GNG12: variants seen among roughly 807,000 people sequenced by gnomAD.
The protein encoded by GNG12 is G protein subunit gamma 12, also known as guanine nucleotide-binding protein G(I)/G(S)/G(O) subunit gamma-12.
For synonymous variants in GNG12, 28 were observed against 29.7 expected (o/e 0.94, Z 0.19); for missense variants, 69 against 83.8 (o/e 0.82, Z 0.69).
At chr1:67,766,148 A>ACACACACACACACACACACACACC (rs756645057) in intron 2 of GNG12, among the ~76,000 whole-genome samples, 10 of 133,704 alleles carry the variant, frequency 7.5e-5, no homozygotes, top group African/African-American at 2.2e-4. Flanking sequence ...ACACACACAC[A>ACACACACACACACACACACACACC]CCCCTAAACA....
intron 2 of GNG12, among the ~76,000 whole-genome samples, chr1:67,748,178 G>T (rs1165444412): frequency 6.6e-6 from 1 of 152,172 alleles, no homozygotes; most frequent in Admixed American, 6.5e-5. Context: ...GGAAAGGAGA[G>T]AACCTAAAGG....
intron 1 of GNG12, among the ~76,000 whole-genome samples, chr1:67,797,020 T>C (rs1646835050): frequency 6.6e-6 from 1 of 152,258 alleles, no homozygotes; most frequent in Non-Finnish European, 1.5e-5. Context: ...CTCATTACCA[T>C]GCGGAGGGCA....
chr1:67,719,181 G>C (rs546252690), intron 2 of GNG12, among the ~76,000 whole-genome samples: 13 of 152,288 alleles, frequency 8.5e-5, no homozygotes, highest in Admixed American at 7.2e-4. Flanking sequence ...TGTGTTTAAA[G>C]TCTCACCTGC....
intron 2 of GNG12, among the ~76,000 whole-genome samples, chr1:67,769,140 G>C (rs1237628470): frequency 6.6e-6 from 1 of 152,130 alleles, no homozygotes; most frequent in African/African-American, 2.4e-5. Context: ...TACATTCTTA[G>C]GCCACTGCAC....
intron 2 of GNG12, among the ~76,000 whole-genome samples, chr1:67,756,809 T>C (rs1254861744): frequency 6.6e-6 from 1 of 152,158 alleles, no homozygotes; most frequent in Non-Finnish European, 1.5e-5. Context: ...GGCCAATCTC[T>C]AAAACCAATC....
intron 2 of GNG12, among the ~76,000 whole-genome samples, chr1:67,729,997 T>G (rs1212519051): frequency 1.3e-5 from 2 of 152,198 alleles, no homozygotes; most frequent in Non-Finnish European, 2.9e-5. Flanking sequence ...CCAACAGAAA[T>G]GTGTACCTAT....
chr1:67,733,820 CA>C (rs1646435417), intron 2 of GNG12, among the ~76,000 whole-genome samples: 1 of 152,162 alleles, frequency 6.6e-6, no homozygotes, highest in African/African-American at 2.4e-5. Context: ...GACTTTCCAA[CA>C]AATAGCCCAG....
At chr1:67,791,987 G>A (rs1646804116) in intron 1 of GNG12, among the ~76,000 whole-genome samples, 1 of 152,126 alleles carries the variant, frequency 6.6e-6, no homozygotes, top group Non-Finnish European at 1.5e-5. Flanking sequence ...CTTGACACAG[G>A]TTCTTCCTTC....
intron 1 of GNG12, among the ~76,000 whole-genome samples, chr1:67,813,204 G>A (rs569770074): frequency 1.3e-5 from 2 of 152,100 alleles, no homozygotes; most frequent in South Asian, 4.2e-4. Context: ...TGCTGAATAC[G>A]AATAGCATCC....
intron 2 of GNG12, among the ~76,000 whole-genome samples, chr1:67,720,800 C>G (rs923375264): frequency 6.6e-6 from 1 of 152,206 alleles, no homozygotes; most frequent in African/African-American, 2.4e-5. Context: ...CAGGCAACAA[C>G]TGTTATCAGC....
chr1:67,788,976 A>C (rs1463354181), intron 1 of GNG12, among the ~76,000 whole-genome samples: 1 of 152,230 alleles, frequency 6.6e-6, no homozygotes, highest in East Asian at 1.9e-4. Context: ...TGAATGAGAT[A>C]AAGGCTATAC....
intron 2 of GNG12, among the ~76,000 whole-genome samples, chr1:67,751,615 C>T (rs1646539174): frequency 6.6e-6 from 1 of 152,166 alleles, no homozygotes. Context: ...ACACAAATGT[C>T]GACTGGCGTA....
At chr1:67,804,369 A>G (rs1646883127) in intron 1 of GNG12, among the ~76,000 whole-genome samples, 1 of 152,214 alleles carries the variant, frequency 6.6e-6, no homozygotes, top group African/African-American at 2.4e-5. Flanking sequence ...AACAAAAACC[A>G]AAAACTTTCC....
chr1:67,822,060 T>G (rs1431032372), intron 1 of GNG12, among the ~76,000 whole-genome samples: 1 of 136,256 alleles, frequency 7.3e-6, no homozygotes, highest in Non-Finnish European at 1.6e-5. Context: ...CGATAGCTGA[T>G]GAGCTGAAAA....
chr1:67,747,180 T>TGC, intron 2 of GNG12, among the ~76,000 whole-genome samples: 1 of 152,336 alleles, frequency 6.6e-6, no homozygotes, highest in East Asian at 1.9e-4. Flanking sequence ...AGTGCAATGG[T>TGC]GCGGTCTCAG....
At chr1:67,803,241 C>T (rs998093623) in intron 1 of GNG12, among the ~76,000 whole-genome samples, 1 of 152,080 alleles carries the variant, frequency 6.6e-6, no homozygotes, top group African/African-American at 2.4e-5. Flanking sequence ...TGGTTGGGCA[C>T]AGTGGCTCAT....
chr1:67,823,965 T>C (rs1053099717), intron 1 of GNG12, among the ~76,000 whole-genome samples: 6 of 152,180 alleles, frequency 3.9e-5, no homozygotes, highest in African/African-American at 1.4e-4. Context: ...ATTCTGTGTG[T>C]GTGTGAGAAA....
intron 3 of GNG12, among the ~76,000 whole-genome samples, chr1:67,705,819 C>T (rs777790109): frequency 5.3e-5 from 8 of 152,158 alleles, no homozygotes; most frequent in Non-Finnish European, 1.0e-4. Context: ...CAAACTGGCA[C>T]CATGTATCCC....
At chr1:67,829,047 T>A (rs1248708258) in intron 1 of GNG12, among the ~76,000 whole-genome samples, 1 of 152,250 alleles carries the variant, frequency 6.6e-6, no homozygotes. Flanking sequence ...GTTTAGTAAC[T>A]ATTACACAAA....
Sources: allele counts gnomAD v4.1 joint callset (sites outside exome capture counted in the v4.1 genomes callset), GRCh38; gene constraint gnomAD v4.1.1; transcripts MANE v1.5; gene names NCBI Gene and HGNC (gene_info 2026-07-23, HGNC 2026-07-21).